CAMKMT: variants seen among roughly 807,000 people sequenced by gnomAD.
CAMKMT encodes CaM KMT.
A neutral mutation model predicts 48.0 loss-of-function variants in CAMKMT; 53 were observed. The observed-to-expected ratio is 1.10, with a 90% confidence interval of 0.89 to 1.39. The LOEUF is 1.39. Ranked by LOEUF, CAMKMT falls within the 40% of genes most tolerant of loss-of-function variation. The pLI, the probability that CAMKMT is intolerant of heterozygous loss-of-function variation, is 0.00. For synonymous variants in CAMKMT, 165 were observed against 152.3 expected, an observed-to-expected ratio of 1.08 and a Z score of -0.61; for missense variants, 428 against 402.7, an observed-to-expected ratio of 1.06 and a Z score of -0.54.
At chr2:44,766,733 T>G (rs1486961179) in intron 10 of CAMKMT, among the ~76,000 whole-genome samples, 172 bp downstream of exon 10, 2 of 151,790 alleles carry the variant, frequency 1.3e-5, no homozygotes, top group Admixed American at 1.3e-4. Flanking sequence ...TCTTTTATCT[T>G]TGCATGTCTA....
chr2:44,736,649 A>G (rs932527745), intron 7 of CAMKMT, among the ~76,000 whole-genome samples: 19 of 152,142 alleles, frequency 1.2e-4, no homozygotes, highest in African/African-American at 4.6e-4. Flanking sequence ...TTTCACATGT[A>G]TTGACCACTT....
At chr2:44,616,224 T>C (rs1259332539) in intron 3 of CAMKMT, among the ~76,000 whole-genome samples, 2 of 152,156 alleles carry the variant, frequency 1.3e-5, no homozygotes, top group South Asian at 2.1e-4. Context: ...CAACCCAATC[T>C]CCATATTCAG....
At chr2:44,533,731 C>CG (rs1666610974) in intron 3 of CAMKMT, among the ~76,000 whole-genome samples, 1 of 152,080 alleles carries the variant, frequency 6.6e-6, no homozygotes, top group Non-Finnish European at 1.5e-5. Context: ...ACTGGTAAAG[C>CG]AAACACACAA....
chr2:44,381,734 G>C (rs571703930), intron 2 of CAMKMT, among the ~76,000 whole-genome samples: 1 of 152,144 alleles, frequency 6.6e-6, no homozygotes, highest in Admixed American at 6.5e-5. Context: ...AAAACAATAT[G>C]GACAAGTGCT....
In CAMKMT at chr2:44,409,100, T is replaced by TTGCTACATAAAGACC. The variant is rs370838017; in HGVS notation, c.376+18795_376+18796insTGCTACATAAAGACC. 6.2e-4 allele frequency among the ~76,000 whole-genome samples: 2 copies of TTGCTACATAAAGACC among 3,234 alleles called. 1 individual carries two copies. Among genetic ancestry groups the TTGCTACATAAAGACC allele is most frequent in the Admixed American group, 6.0e-3 (2 of 334 alleles). 2.1% of individuals were successfully genotyped at this position (3,234 alleles called of 152,430 possible). A position where few individuals can be genotyped will look rare whatever the true frequency, so the allele number is the denominator to read the frequency against. ...CAGCCGATATATATATATATATATA[T>TTGCTACATAAAGACC]ATATATATATATATATATATATATA... On this transcript the variant is annotated intron_variant, in intron 3 of 10. Coordinates refer to ENST00000378494, the MANE Select transcript of CAMKMT (RefSeq NM_024766.5).
chr2:44,381,716 C>A (rs1426061723), intron 2 of CAMKMT, among the ~76,000 whole-genome samples: 1 of 152,086 alleles, frequency 6.6e-6, no homozygotes, highest in South Asian at 2.1e-4. Context: ...TGGTGAATAA[C>A]AAATTGCAAA....
chr2:44,504,923 T>C (rs977517009), intron 3 of CAMKMT, among the ~76,000 whole-genome samples: 1 of 152,156 alleles, frequency 6.6e-6, no homozygotes, highest in African/African-American at 2.4e-5. Flanking sequence ...AGCATCTGCT[T>C]CTGGTGATGG....
At chr2:44,649,029 G>A (rs927804284) in intron 3 of CAMKMT, among the ~76,000 whole-genome samples, 7 of 152,186 alleles carry the variant, frequency 4.6e-5, no homozygotes, top group Non-Finnish European at 7.3e-5. Context: ...CACTTCTAGC[G>A]TGATGCCTAG....
intron 2 of CAMKMT, 38 bp downstream of exon 2, chr2:44,372,926 A>G (rs993397939): frequency 1.3e-6 from 2 of 1,522,760 alleles, no homozygotes; most frequent in Non-Finnish European, 1.8e-6. Flanking sequence ...TAAACACTAG[A>G]TTTCTCTTGG....
rs148652359 is a variant in CAMKMT, at chr2:44,395,840, A to G, written c.376+5535A>G. The stretch of plus-strand genomic sequence containing the variant: ...ATAGAAGATATTTTTGGTATGTGCC[A>G]TTCTGTTTTAATATCATACATTATT... On this transcript the variant is annotated intron_variant, in intron 3 of 10. Transcript: ENST00000378494. 2.7e-3 allele frequency among the ~76,000 whole-genome samples: 416 copies of G among 152,264 alleles called. 3 individuals are homozygous for G. The highest frequency in any genetic ancestry group is 4.8e-3 in the Non-Finnish European group (325 of 67,960).
At chr2:44,668,154 TA>T (rs1249993945) in intron 3 of CAMKMT, among the ~76,000 whole-genome samples, 2 of 152,168 alleles carry the variant, frequency 1.3e-5, no homozygotes, top group African/African-American at 2.4e-5. Context: ...CCTCTCCTAT[TA>T]TTCTCAGCTG....
chr2:44,423,606 G>C (rs1684076082), intron 3 of CAMKMT, among the ~76,000 whole-genome samples: 1 of 152,182 alleles, frequency 6.6e-6, no homozygotes, highest in Non-Finnish European at 1.5e-5. Flanking sequence ...ACAATGAATT[G>C]TAATTTTGTT....
intron 9 of CAMKMT, among the ~76,000 whole-genome samples, chr2:44,758,113 G>C (rs1680461137): frequency 6.6e-6 from 1 of 152,200 alleles, no homozygotes; most frequent in Non-Finnish European, 1.5e-5. Context: ...ACTCTACATT[G>C]GCAAGACAGA....
At chr2:44,538,685 G>A (rs913733447) in intron 3 of CAMKMT, among the ~76,000 whole-genome samples, 3 of 152,064 alleles carry the variant, frequency 2.0e-5, no homozygotes, top group Admixed American at 6.6e-5. Context: ...TACTGCTAGG[G>A]TGATGGGTGT....
At chr2:44,592,098 G>A (rs1258086852) in intron 3 of CAMKMT, among the ~76,000 whole-genome samples, 1 of 151,930 alleles carries the variant, frequency 6.6e-6, no homozygotes, top group Non-Finnish European at 1.5e-5. Context: ...AGCATTAGGA[G>A]ATACACCTAA....
intron 1 of CAMKMT, among the ~76,000 whole-genome samples, chr2:44,363,204 T>C (rs1461322391): frequency 6.6e-6 from 1 of 152,234 alleles, no homozygotes; most frequent in Admixed American, 6.5e-5. Context: ...TCCAGACCAG[T>C]AATGATCTGG....
chr2:44,451,931 G>C (rs567941466), intron 3 of CAMKMT, among the ~76,000 whole-genome samples: 1 of 151,574 alleles, frequency 6.6e-6, no homozygotes, highest in Non-Finnish European at 1.5e-5. Context: ...AAAAAACCTA[G>C]ATATTTTAAG....
chr2:44,412,760 A>G (rs1683296184), intron 3 of CAMKMT, among the ~76,000 whole-genome samples: 1 of 152,168 alleles, frequency 6.6e-6, no homozygotes, highest in Admixed American at 6.5e-5. Context: ...AATATCCTAA[A>G]AATTCAATTT....
intron 3 of CAMKMT, among the ~76,000 whole-genome samples, chr2:44,681,467 C>A (rs945388676): frequency 6.6e-6 from 1 of 151,660 alleles, no homozygotes; most frequent in East Asian, 1.9e-4. Context: ...CAGTGTGATT[C>A]GGCAACCAAA....
Sources: allele counts gnomAD v4.1 joint callset (sites outside exome capture counted in the v4.1 genomes callset), GRCh38; gene constraint gnomAD v4.1.1; transcripts MANE v1.5; gene names NCBI Gene and HGNC (gene_info 2026-07-23, HGNC 2026-07-21).